The following TIAM1 variants were observed in gnomAD, a reference collection of about 807,000 sequenced individuals.
The protein encoded by TIAM1 is TIAM Rac1 associated GEF 1.
Under a neutral mutation model 163.5 loss-of-function variants are expected in TIAM1, and 65 were observed. The observed-to-expected ratio is 0.40, with a 90% CI of 0.33 to 0.49. The LOEUF (loss-of-function observed/expected upper bound fraction) is 0.49. Among genes scored for constraint, TIAM1 ranks in the 20% least tolerant of loss-of-function variants. The probability of loss-of-function intolerance (pLI) is 0.77; values close to 1 mark genes in which losing one functional copy is unlikely to be tolerated. For missense variants in TIAM1, 1,789 were observed against 2,044.7 expected (o/e 0.87, Z 2.41); for synonymous variants, 833 against 810.1 (o/e 1.03, Z -0.48).
At position 31,119,570 on chromosome 21, in the gene TIAM1, T is replaced by G. The variant is rs888451036; in HGVS notation, c.*798A>C. 1 of 152,626 alleles carries G rather than the reference T, an allele frequency of 6.6e-6. No homozygotes were observed. The highest frequency in any genetic ancestry group is 1.5e-5 in the Non-Finnish European group (1 of 68,042). 9.5% of individuals were successfully genotyped at this position (152,626 alleles called of 1,614,324 possible). A position where few individuals can be genotyped will look rare whatever the true frequency, so the allele number is the denominator to read the frequency against. On this transcript the variant is annotated 3_prime_UTR_variant, in exon 28 of 28. Coordinates refer to ENST00000541036, the MANE Select transcript of TIAM1 (RefSeq NM_001353694.2). ...TAAAACCACCACGCCTCACTCTCTC[T>G]GTAAAAGGTTATATCCTCATTTTTT...
chr21:31,548,411 G>A (rs2048571189), intron 1 of TIAM1, among the ~76,000 whole-genome samples: 2 of 150,724 alleles, frequency 1.3e-5, no homozygotes, highest in Admixed American at 1.3e-4. Flanking sequence ...AAAGTGTTGG[G>A]ATTACAGGCG....
chr21:31,317,676 A>G (rs2075173083), intron 2 of TIAM1, among the ~76,000 whole-genome samples: 1 of 152,186 alleles, frequency 6.6e-6, no homozygotes, highest in Non-Finnish European at 1.5e-5. Flanking sequence ...GCTACTTGGG[A>G]AGCTGAGGCA....
At chr21:31,520,304 C>A (rs1334424478) in intron 1 of TIAM1, among the ~76,000 whole-genome samples, 1 of 149,454 alleles carries the variant, frequency 6.7e-6, no homozygotes, top group African/African-American at 2.5e-5. Context: ...GCACTCCAGC[C>A]TGGGCAACAA....
rs368389063 is a variant in TIAM1, at chr21:31,155,694, C to T, written c.2992-1268G>A. On this transcript the variant is annotated intron_variant, in intron 16 of 27. Coordinates refer to ENST00000541036, the MANE Select transcript of TIAM1 (RefSeq NM_001353694.2). ...TATTTTTTTGTATTTTTAGGAGAGA[C>T]GGGATTTCAACATGTTGGCCAGGAT... Among the ~76,000 whole-genome samples the T allele has an allele frequency of 2.6e-4, 39 of 151,890 alleles. No individual in the cohort carries two copies. The South Asian group carries it at 6.3e-3, about 24-fold the overall frequency.
chr21:31,265,408 G>A (rs541604466), intron 4 of TIAM1, among the ~76,000 whole-genome samples: 23 of 151,822 alleles, frequency 1.5e-4, no homozygotes, highest in African/African-American at 5.3e-4. Context: ...GTAAGAATTG[G>A]AAGCCACCCA....
chr21:31,423,151 T>C (rs2093133559), intron 2 of TIAM1, among the ~76,000 whole-genome samples: 1 of 131,298 alleles, frequency 7.6e-6, no homozygotes, highest in South Asian at 2.5e-4. Flanking sequence ...CAGGCTGGAG[T>C]GCAGTGGCAT....
intron 20 of TIAM1, among the ~76,000 whole-genome samples, chr21:31,145,784 C>A (rs372407927): frequency 6.7e-6 from 1 of 148,912 alleles, no homozygotes; most frequent in East Asian, 1.9e-4. Flanking sequence ...AAAAGGTATA[C>A]GGTAAGTCCT....
At chr21:31,156,247 C>T (rs1177552156) in intron 16 of TIAM1, among the ~76,000 whole-genome samples, 1 of 152,208 alleles carries the variant, frequency 6.6e-6, no homozygotes, top group African/African-American at 2.4e-5. Flanking sequence ...AATTATTATT[C>T]TAATTCTCTT....
At chr21:31,253,556 A>C (rs907142190) in intron 4 of TIAM1, among the ~76,000 whole-genome samples, 1 of 152,198 alleles carries the variant, frequency 6.6e-6, no homozygotes, top group Non-Finnish European at 1.5e-5. Flanking sequence ...AGAAATACTA[A>C]ATAAGCAACT....
intron 2 of TIAM1, among the ~76,000 whole-genome samples, chr21:31,284,479 C>A (rs1361158653): frequency 6.6e-6 from 1 of 152,088 alleles, no homozygotes; most frequent in African/African-American, 2.4e-5. Context: ...CAGAGCTCCT[C>A]TTTCACTGTC....
At position 31,395,872 on chromosome 21, in the gene TIAM1, T is replaced by C. The variant is rs1176649888; in HGVS notation, c.-368-56450A>G. On this transcript the variant is annotated intron_variant, in intron 2 of 28. Transcript: ENST00000286827. This position sits in a 1 kb window ranked among gnomAD's most constrained non-coding sequence, Gnocchi z 7.5. ...AAACAGCAGGCCAGTAGGGAGGGCC[T>C]GAACAGAAAGAAAACAAGGAGCGAA... 6.6e-6 allele frequency among the ~76,000 whole-genome samples: 1 copy of C among 152,112 alleles called. No individual in the cohort carries two copies. The highest frequency in any genetic ancestry group is 1.5e-5 in the Non-Finnish European group (1 of 68,024).
At chr21:31,347,920 C>T (rs553049653), upstream of TIAM1, among the ~76,000 whole-genome samples, 40 of 152,138 alleles carry the variant, frequency 2.6e-4, no homozygotes, top group Non-Finnish European at 5.0e-4. Flanking sequence ...AAGAGGACTA[C>T]ATAAAAAATA....
chr21:31,232,429 A>G (rs2088494081), intron 6 of TIAM1, among the ~76,000 whole-genome samples: 1 of 152,164 alleles, frequency 6.6e-6, no homozygotes, highest in Admixed American at 6.5e-5. Flanking sequence ...TCAATAAATG[A>G]GCTTTTCTGC....
At chr21:31,422,434 G>C (rs2043610755) in intron 2 of TIAM1, among the ~76,000 whole-genome samples, 1 of 152,146 alleles carries the variant, frequency 6.6e-6, no homozygotes, top group African/African-American at 2.4e-5. Flanking sequence ...GAGCATTAGA[G>C]TGCAGACTCC....
intron 4 of TIAM1, 121 bp downstream of exon 4, chr21:31,265,889 A>C: frequency 7.4e-7 from 1 of 1,359,798 alleles, no homozygotes; most frequent in Non-Finnish European, 1.0e-6. Flanking sequence ...CAGCTGCAGC[A>C]ACTACCAGGC....
intron 4 of TIAM1, among the ~76,000 whole-genome samples, chr21:31,262,420 A>G (rs932538849): frequency 8.5e-5 from 13 of 152,258 alleles, no homozygotes; most frequent in Non-Finnish European, 1.6e-4. Flanking sequence ...CCTATTAAGT[A>G]CTTTTACAGA....
At chr21:31,306,479 C>G (rs188354178) in intron 2 of TIAM1, among the ~76,000 whole-genome samples, 502 of 151,304 alleles carry the variant, frequency 3.3e-3, no homozygotes, top group African/African-American at 0.012. Flanking sequence ...ATAATAACTT[C>G]ACAACTGGGA....
intron 23 of TIAM1, among the ~76,000 whole-genome samples, chr21:31,134,404 C>T (rs930940340): frequency 5.9e-5 from 9 of 152,156 alleles, no homozygotes; most frequent in Non-Finnish European, 1.2e-4. Flanking sequence ...CTACTTCCCC[C>T]CTCCCCCAAA....
intron 1 of TIAM1, among the ~76,000 whole-genome samples, chr21:31,492,276 C>T (rs891169474): frequency 6.6e-6 from 1 of 152,192 alleles, no homozygotes; most frequent in African/African-American, 2.4e-5. Context: ...ACCTCCCTCA[C>T]AATTTGGAAT....
Sources: gnomAD v4.1 joint callset for allele counts (sites outside exome capture counted in the v4.1 genomes callset) on GRCh38, gnomAD v4.1.1 for gene constraint, Gnocchi (gnomAD v3.1) non-coding constraint, MANE v1.5 for transcripts, NCBI Gene and HGNC (gene_info 2026-07-23, HGNC 2026-07-21) for gene names.